The following AOPEP variants were observed in gnomAD, a reference collection of about 807,000 sequenced individuals.
AOPEP encodes the protein aminopeptidase O (putative).
A neutral mutation model predicts 98.1 loss-of-function variants in AOPEP; 77 were observed. The ratio of observed to expected loss-of-function variants is 0.78; its 90% CI spans 0.65 to 0.95. The LOEUF (loss-of-function observed/expected upper bound fraction) is 0.95, where lower values mean the gene tolerates loss of function less well. Ranked by LOEUF, AOPEP falls within the 40% of genes least tolerant of loss-of-function variation. The pLI, the probability that AOPEP is intolerant of heterozygous loss-of-function variation, is 0.00. For synonymous variants in AOPEP, 346 were observed against 365.3 expected, an observed-to-expected ratio of 0.95 and a Z score of 0.60; for missense variants, 1,024 against 1,024.7, an observed-to-expected ratio of 1.00 and a Z score of 0.01.
intron 5 of AOPEP, among the ~76,000 whole-genome samples, chr9:94,845,495 G>A (rs2042750333): frequency 6.6e-6 from 1 of 152,180 alleles, no homozygotes; most frequent in Admixed American, 6.5e-5. Context: ...GATCATGCTG[G>A]GTGGATACCC....
chr9:94,854,822 G>A (rs2043976714), intron 5 of AOPEP, among the ~76,000 whole-genome samples: 1 of 152,056 alleles, frequency 6.6e-6, no homozygotes, highest in African/African-American at 2.4e-5. Context: ...ATGTTGGATC[G>A]GAACATCCAA....
intron 7 of AOPEP, among the ~76,000 whole-genome samples, chr9:94,942,237 G>A (rs1029472910): frequency 6.6e-6 from 1 of 152,206 alleles, no homozygotes; most frequent in Admixed American, 6.5e-5. Context: ...GCTAATGAGC[G>A]TTAGTTTCCC....
intron 13 of AOPEP, among the ~76,000 whole-genome samples, chr9:95,036,225 G>A (rs2064806258): frequency 6.6e-6 from 1 of 152,138 alleles, no homozygotes; most frequent in Non-Finnish European, 1.5e-5. Context: ...GATCTTGCCT[G>A]CTTTCTTAAG....
chr9:94,844,739 C>T (rs2042650966), intron 5 of AOPEP, among the ~76,000 whole-genome samples: 1 of 152,102 alleles, frequency 6.6e-6, no homozygotes, highest in South Asian at 2.1e-4. Flanking sequence ...CAGACAAATC[C>T]AAAATCTGTG....
chr9:94,757,771 C>CT (rs1282734834), intron 1 of AOPEP, among the ~76,000 whole-genome samples: 1 of 151,794 alleles, frequency 6.6e-6, no homozygotes, highest in Non-Finnish European at 1.5e-5. Context: ...GTGTTCAGGG[C>CT]TTTTTTTTAA....
At chr9:94,971,315 T>TA (rs1238759363) in intron 10 of AOPEP, among the ~76,000 whole-genome samples, 1 of 152,124 alleles carries the variant, frequency 6.6e-6, no homozygotes, top group African/African-American at 2.4e-5. Flanking sequence ...AGCTTCTTTT[T>TA]AAAAAAATCT....
chr9:95,060,342 T>C (rs1587849324), intron 13 of AOPEP, among the ~76,000 whole-genome samples: 2 of 152,244 alleles, frequency 1.3e-5, no homozygotes, highest in African/African-American at 4.8e-5. Flanking sequence ...AATCTTTGTC[T>C]AGGCTAAATT....
chr9:95,141,576 C>A, the AOPEP span, among the ~76,000 whole-genome samples: 2 of 152,162 alleles, frequency 1.3e-5, no homozygotes, highest in South Asian at 4.2e-4. Flanking sequence ...TTCTAATTTA[C>A]GTTTTCATTT....
At chr9:95,090,323 C>A (rs867931052), downstream of AOPEP, among the ~76,000 whole-genome samples, 22 of 152,364 alleles carry the variant, frequency 1.4e-4, no homozygotes, top group Middle Eastern at 0.017. Context: ...CAGTCCTTCC[C>A]CCTGAGGCCG....
At chr9:95,130,560 C>A in the AOPEP span, among the ~76,000 whole-genome samples, 3 of 152,160 alleles carry the variant, frequency 2.0e-5, no homozygotes, top group Non-Finnish European at 4.4e-5. Context: ...GGAATAGATT[C>A]TTTCCTGGTA....
At chr9:94,938,778 G>A (rs2056644142) in intron 7 of AOPEP, among the ~76,000 whole-genome samples, 1 of 152,176 alleles carries the variant, frequency 6.6e-6, no homozygotes, top group South Asian at 2.1e-4. Context: ...CATAATGAAA[G>A]TAGAGTTCTA....
At chr9:94,795,604 A>G (rs1396141495) in intron 4 of AOPEP, among the ~76,000 whole-genome samples, 1 of 152,172 alleles carries the variant, frequency 6.6e-6, no homozygotes, top group Non-Finnish European at 1.5e-5. Context: ...AAAGACAGAC[A>G]TTTGTTATTT....
At chr9:94,743,528 A>G (rs16911670) in intron 1 of AOPEP, among the ~76,000 whole-genome samples, 13,497 of 152,288 alleles carry the variant, frequency 0.089, 713 homozygotes, top group African/African-American at 0.13. Flanking sequence ...TGATAGATAA[A>G]CAAAAGCAAC....
chr9:95,111,544 G>A, the AOPEP span: 15 of 1,614,008 alleles, frequency 9.3e-6, no homozygotes, highest in Middle Eastern at 1.6e-4. Context: ...TGGGGGGTTC[G>A]GCTGCCGACA....
At chr9:94,933,186 G>A (rs774858195) in intron 7 of AOPEP, 157 of 985,662 alleles carry the variant, frequency 1.6e-4, no homozygotes, top group Middle Eastern at 1.0e-3. Context: ...CTCCTGACTC[G>A]TGCAGCAGTG....
chr9:94,745,604 A>C (rs1834304210), intron 1 of AOPEP, among the ~76,000 whole-genome samples: 1 of 152,162 alleles, frequency 6.6e-6, no homozygotes, highest in Non-Finnish European at 1.5e-5. Context: ...CCCACAGATG[A>C]GTGAGAACAT....
At chr9:95,081,499 GAGGCAAACAAA>G (rs771404964) in intron 15 of AOPEP, among the ~76,000 whole-genome samples, 6 of 152,194 alleles carry the variant, frequency 3.9e-5, no homozygotes, top group Non-Finnish European at 5.9e-5. Flanking sequence ...GAGTGGGAGT[GAGGCAAACAAA>G]AGGACTTTTG....
At chr9:94,747,463 C>T (rs111303835) in intron 1 of AOPEP, among the ~76,000 whole-genome samples, 73 of 152,206 alleles carry the variant, frequency 4.8e-4, no homozygotes, top group African/African-American at 1.7e-3. Flanking sequence ...TATGCTGGTA[C>T]TTGTACAGTT....
chr9:94,955,618 G>T (rs2058395234), intron 8 of AOPEP, among the ~76,000 whole-genome samples: 1 of 152,150 alleles, frequency 6.6e-6, no homozygotes, highest in Non-Finnish European at 1.5e-5. Flanking sequence ...CTGGTAGGGG[G>T]AGTAGAGAAG....
Sources: allele counts gnomAD v4.1 joint callset (sites outside exome capture counted in the v4.1 genomes callset), GRCh38; gene constraint gnomAD v4.1.1; transcripts MANE v1.5; gene names NCBI Gene and HGNC (gene_info 2026-07-23, HGNC 2026-07-21).